Variants in ANKFN1 observed in about 807,000 individuals in gnomAD.
The protein encoded by ANKFN1 is ankyrin repeat and fibronectin type III domain containing 1.
Under a neutral mutation model 108.7 loss-of-function variants are expected in ANKFN1, and 74 were observed. The observed-to-expected ratio is 0.68, with a 90% confidence interval of 0.56 to 0.83. The LOEUF (loss-of-function observed/expected upper bound fraction) is 0.83. ANKFN1 is among the 40% of genes least tolerant of loss of function. ANKFN1 has a pLI of 0.00. For synonymous variants in ANKFN1, 547 were observed against 516.2 expected (o/e 1.06, Z -0.81); for missense variants, 1,505 against 1,382.3 (o/e 1.09, Z -1.41).
At chr17:56,127,142 T>C (rs1284058270) in intron 4 of ANKFN1, among the ~76,000 whole-genome samples, 1 of 152,182 alleles carries the variant, frequency 6.6e-6, no homozygotes, top group African/African-American at 2.4e-5. Flanking sequence ...AGGTAATCAC[T>C]CAATTCCTAC....
intron 3 of ANKFN1, among the ~76,000 whole-genome samples, chr17:56,303,256 G>A (rs981719181): frequency 6.6e-6 from 1 of 152,218 alleles, no homozygotes; most frequent in Non-Finnish European, 1.5e-5. Flanking sequence ...AGTCATGAAA[G>A]TGTCCTTTTA....
chr17:56,353,795 G>T, intron 5 of ANKFN1, 41 bp from the exon 6 acceptor site: 2 of 1,583,438 alleles, frequency 1.3e-6, no homozygotes, highest in Admixed American at 1.7e-5. Context: ...AAGACACACT[G>T]GTTTAAGAAA....
At chr17:56,222,923 C>G (rs900042831) in intron 2 of ANKFN1, among the ~76,000 whole-genome samples, 2 of 152,150 alleles carry the variant, frequency 1.3e-5, no homozygotes, top group African/African-American at 4.8e-5. Context: ...TTGGTCATTA[C>G]AAGCCCACTG....
chr17:56,303,311 G>T (rs2044725415), intron 3 of ANKFN1, among the ~76,000 whole-genome samples: 1 of 152,144 alleles, frequency 6.6e-6, no homozygotes, highest in Admixed American at 6.5e-5. Flanking sequence ...GTTGGTGTTG[G>T]GGATGAGGGT....
chr17:56,320,100 A>G (rs1417154558), intron 3 of ANKFN1, among the ~76,000 whole-genome samples: 2 of 152,176 alleles, frequency 1.3e-5, no homozygotes, highest in Non-Finnish European at 2.9e-5. Flanking sequence ...GGGTAATCCT[A>G]CTTTGTAGAG....
intron 8 of ANKFN1, among the ~76,000 whole-genome samples, chr17:56,409,546 T>G (rs2048025779): frequency 6.6e-6 from 1 of 152,164 alleles, no homozygotes; most frequent in South Asian, 2.1e-4. Context: ...GTCATTTATT[T>G]AAAAGTTTGT....
At chr17:56,436,443 G>A (rs2048931436) in intron 8 of ANKFN1, among the ~76,000 whole-genome samples, 2 of 152,048 alleles carry the variant, frequency 1.3e-5, no homozygotes, top group African/African-American at 4.8e-5. Context: ...CGGCTTATAC[G>A]TGATTTTCTC....
chr17:56,464,035 A>T (rs2049997422), intron 14 of ANKFN1: 1 of 152,186 alleles, frequency 6.6e-6, no homozygotes. Context: ...TGATTATGAC[A>T]GGTATTAACA....
intron 10 of ANKFN1, among the ~76,000 whole-genome samples, chr17:56,445,538 A>G (rs1275530343): frequency 6.6e-6 from 1 of 152,224 alleles, no homozygotes; most frequent in Non-Finnish European, 1.5e-5. Context: ...ACGTGGTTAT[A>G]GTTGTTGCAG....
intron 2 of ANKFN1, among the ~76,000 whole-genome samples, chr17:56,214,908 T>C (rs1487691677): frequency 6.6e-6 from 1 of 152,200 alleles, no homozygotes; most frequent in East Asian, 1.9e-4. Context: ...TGTATAGCAA[T>C]GTGTACTGAT....
chr17:56,391,212 C>CATACATATATATATAT (rs2047415305), intron 8 of ANKFN1, among the ~76,000 whole-genome samples: 1 of 121,418 alleles, frequency 8.2e-6, no homozygotes, highest in Admixed American at 7.6e-5. Flanking sequence ...CCCAAGAATA[C>CATACATATATATATAT]ATATATATAT....
At chr17:56,179,992 T>C (rs936108864) in intron 1 of ANKFN1, among the ~76,000 whole-genome samples, 5 of 152,176 alleles carry the variant, frequency 3.3e-5, no homozygotes, top group African/African-American at 1.2e-4. Context: ...ATAAATACTT[T>C]TGTATGACTG....
chr17:56,490,660 G>A (rs1198136486), intron 18 of ANKFN1, among the ~76,000 whole-genome samples: 1 of 152,152 alleles, frequency 6.6e-6, no homozygotes, highest in Non-Finnish European at 1.5e-5. Flanking sequence ...TCCATAGCTT[G>A]TCATTTACTG....
chr17:56,213,260 T>G (rs1391736064), intron 2 of ANKFN1, among the ~76,000 whole-genome samples: 1 of 152,156 alleles, frequency 6.6e-6, no homozygotes, highest in Non-Finnish European at 1.5e-5. Flanking sequence ...CGTCACAGGC[T>G]GAAAAGCTGG....
At position 56,107,187 on chromosome 17, in the gene ANKFN1, G is replaced by A. The variant is rs140523189; in HGVS notation, c.288+60862G>A. 6.2e-3 allele frequency among the ~76,000 whole-genome samples: 937 copies of A among 152,286 alleles called. 2 individuals are homozygous for A. The highest frequency in any genetic ancestry group is 0.01 in the Non-Finnish European group (684 of 68,018). On this transcript the variant is annotated intron_variant, in intron 4 of 12. Coordinates refer to the ANKFN1 transcript ENST00000635860. Reference sequence around the variant, plus strand: ...GCTGAAAGAACCCAGGAGTTTGGGCGCTGGCTGGGCTGGGGCTGCAGAGCT... The same window carrying A: ...GCTGAAAGAACCCAGGAGTTTGGGCACTGGCTGGGCTGGGGCTGCAGAGCT...
chr17:56,396,170 C>A (rs745745549), intron 8 of ANKFN1, among the ~76,000 whole-genome samples: 1 of 152,210 alleles, frequency 6.6e-6, no homozygotes, highest in Non-Finnish European at 1.5e-5. Context: ...GGCCACGGGC[C>A]AGGCACGGTG....
At chr17:56,448,660 T>C (rs1489953957) in intron 10 of ANKFN1, among the ~76,000 whole-genome samples, 3 of 152,208 alleles carry the variant, frequency 2.0e-5, no homozygotes, top group Non-Finnish European at 4.4e-5. Context: ...GGATTTCATC[T>C]AGTCTGCACA....
intron 8 of ANKFN1, among the ~76,000 whole-genome samples, chr17:56,380,737 G>A (rs901082479): frequency 2.0e-5 from 3 of 152,234 alleles, no homozygotes; most frequent in African/African-American, 7.2e-5. Flanking sequence ...CGGGGGAGGG[G>A]CGCCCGCCAT....
rs549311579 is a variant in ANKFN1, at chr17:56,133,742, T to C, written c.288+87417T>C. Reference sequence around the variant, plus strand: ...TAGACAATCATTGAATCTGTAGTTCTGGCTGAACTGTACTATTAGAGATAA... The same window carrying C: ...TAGACAATCATTGAATCTGTAGTTCCGGCTGAACTGTACTATTAGAGATAA... On this transcript the variant is annotated intron_variant, in intron 4 of 12. Transcript: ENST00000635860. Among the ~76,000 whole-genome samples the C allele has an allele frequency of 3.3e-5, 5 of 152,264 alleles. No individual in the cohort carries two copies. In the East Asian group the frequency reaches 7.7e-4, roughly 24 times the overall value.
Sources: gnomAD v4.1 joint callset for allele counts (sites outside exome capture counted in the v4.1 genomes callset) on GRCh38, gnomAD v4.1.1 for gene constraint, MANE v1.5 for transcripts, NCBI Gene and HGNC (gene_info 2026-07-23, HGNC 2026-07-21) for gene names.